The following EPS8 variants were observed in gnomAD, a reference collection of about 807,000 sequenced individuals.
EPS8 encodes epidermal growth factor receptor kinase substrate 8.
A neutral mutation model predicts 103.8 loss-of-function variants in EPS8; 42 were observed. The observed-to-expected ratio is 0.40, with a 90% CI of 0.32 to 0.52. The LOEUF (loss-of-function observed/expected upper bound fraction) is 0.52. Ranked by LOEUF, EPS8 falls within the 20% of genes least tolerant of loss-of-function variation. EPS8 has a pLI of 0.40. For missense variants in EPS8, 969 were observed against 1,005.1 expected, an observed-to-expected ratio of 0.96 and a Z score of 0.49; for synonymous variants, 344 against 344.6, an observed-to-expected ratio of 1.00 and a Z score of 0.02.
At position 15,688,245 on chromosome 12, in the gene EPS8, T is replaced by G. The variant is rs1278706045; in HGVS notation, c.-21-5273A>C. On this transcript the variant is annotated intron_variant, in intron 1 of 20. Coordinates refer to ENST00000281172, the MANE Select transcript of EPS8 (RefSeq NM_004447.6). The surrounding 1 kb of genome is among the most constrained non-coding windows in gnomAD (Gnocchi z 5.1). ...TAAAACAACATTATCAGCTAGTTAT[T>G]GGCTCTATTTTATGGGTGAGATGAC... Among the ~76,000 whole-genome samples the G allele has an allele frequency of 6.6e-6, 1 of 152,190 alleles. No homozygotes were observed. The highest frequency in any genetic ancestry group is 2.4e-5 in the African/African-American group (1 of 41,450).
Position 15,778,668 on chromosome 12 carries a change from G to T in EPS8, c.-22+10493C>A, listed in dbSNP as rs1232934662. On this transcript the variant is annotated intron_variant, in intron 1 of 20. Coordinates refer to ENST00000281172, the MANE Select transcript of EPS8 (RefSeq NM_004447.6). This position sits in a 1 kb window ranked among gnomAD's most constrained non-coding sequence, Gnocchi z 4.5. ...ATTTGTAAACTCCCAAACACATATA[G>T]TTTGTCATAAAACAGTTGAAGTTTT... is the stretch of plus-strand genomic sequence containing the variant. Among the ~76,000 whole-genome samples the T allele has an allele frequency of 6.6e-6, 1 of 152,150 alleles. No individual in the cohort carries two copies. Among genetic ancestry groups the T allele is most frequent in the Non-Finnish European group, 1.5e-5 (1 of 68,022 alleles).
At chr12:15,638,270 A>T (rs1216287433) in intron 17 of EPS8, among the ~76,000 whole-genome samples, 1 of 152,122 alleles carries the variant, frequency 6.6e-6, no homozygotes, top group Admixed American at 6.6e-5. Flanking sequence ...ATTTTACTCT[A>T]TTCTTTTTTT....
At chr12:15,710,562 T>C (rs956537792) in intron 1 of EPS8, among the ~76,000 whole-genome samples, 13 of 152,182 alleles carry the variant, frequency 8.5e-5, no homozygotes, top group Admixed American at 2.6e-4. Flanking sequence ...CACAAGTTTT[T>C]TCTAATCAAA....
intron 17 of EPS8, among the ~76,000 whole-genome samples, chr12:15,637,061 G>A (rs533177831): frequency 1.4e-4 from 22 of 152,210 alleles, no homozygotes; most frequent in African/African-American, 4.6e-4. Flanking sequence ...TCGCTCTGTC[G>A]CCAGGCTGGA....
At chr12:15,654,450 G>T in intron 12 of EPS8, 157 bp from the exon 13 acceptor site, 1 of 692,532 alleles carries the variant, frequency 1.4e-6, no homozygotes, top group Non-Finnish European at 2.4e-6. Flanking sequence ...AGAAAAGCTT[G>T]TCAAATCAAC....
intron 18 of EPS8, among the ~76,000 whole-genome samples, chr12:15,626,014 T>C (rs560785762): frequency 6.6e-6 from 1 of 152,322 alleles, no homozygotes; most frequent in African/African-American, 2.4e-5. Context: ...GAATTCCCGA[T>C]CTTCTTCCTG....
intron 1 of EPS8, among the ~76,000 whole-genome samples, chr12:15,741,600 G>A (rs966449053): frequency 2.0e-5 from 3 of 152,188 alleles, no homozygotes; most frequent in Non-Finnish European, 4.4e-5. Context: ...AGAGGAGAGA[G>A]GTGATTGGTT....
chr12:15,664,015 CATAATAT>C (rs1157116017), intron 8 of EPS8, among the ~76,000 whole-genome samples: 1 of 132,624 alleles, frequency 7.5e-6, no homozygotes, highest in Non-Finnish European at 1.6e-5. Context: ...ATATAATATA[CATAATAT>C]ATATTATATA....
In EPS8 at chr12:15,640,900, A is replaced by T. The variant is rs996659817; in HGVS notation, c.1678-54T>A. ...ATTTCCATATAAAAGCCATTCTACG[A>T]AAGAAGTTCCCTAGACTTCAACAAA... On this transcript the variant is annotated intron_variant, in intron 16 of 20. Transcript: ENST00000281172. 3 of 1,564,244 alleles carry T rather than the reference A, an allele frequency of 1.9e-6. No individual in the cohort carries two copies. In the Admixed American group the frequency reaches 5.3e-5, roughly 27 times the overall value.
At chr12:15,770,143 T>G (rs1947138222) in intron 1 of EPS8, among the ~76,000 whole-genome samples, 1 of 151,660 alleles carries the variant, frequency 6.6e-6, no homozygotes, top group Non-Finnish European at 1.5e-5. Flanking sequence ...TTTGTCATGT[T>G]GCCCACATTG....
At position 15,727,694 on chromosome 12, in the gene EPS8, C is replaced by A. The variant is rs1440226127; in HGVS notation, c.-21-44722G>T. Among the ~76,000 whole-genome samples the A allele has an allele frequency of 1.3e-5, 2 of 152,074 alleles. No individual in the cohort carries two copies. Among genetic ancestry groups the A allele is most frequent in the African/African-American group, 4.8e-5 (2 of 41,418 alleles). ...CCAACACGGTGAAACCCCGTCTCTA[C>A]TAAAAATACAAAAATTAGCCGGGCG... is the stretch of plus-strand genomic sequence containing the variant. On this transcript the variant is annotated intron_variant, in intron 1 of 20. Transcript: ENST00000281172. This position sits in a 1 kb window ranked among gnomAD's most constrained non-coding sequence, Gnocchi z 4.3.
rs759616597 is a variant in EPS8, at chr12:15,717,819, T to C, written c.-21-34847A>G. On this transcript the variant is annotated intron_variant, in intron 1 of 20. Transcript: ENST00000281172. This position sits in a 1 kb window ranked among gnomAD's most constrained non-coding sequence, Gnocchi z 4.3. The stretch of plus-strand genomic sequence containing the variant: ...CAGGGAATATAAATGAACAAAATGG[T>C]AGTTTTGCCTTAAATTGGCAATGTT... Among the ~76,000 whole-genome samples the C allele has an allele frequency of 7.2e-5, 11 of 152,132 alleles. No homozygotes were observed. Among genetic ancestry groups the C allele is most frequent in the Non-Finnish European group, 1.6e-4 (11 of 68,018 alleles).
At chr12:15,637,713 T>C (rs1945160961) in intron 17 of EPS8, among the ~76,000 whole-genome samples, 1 of 152,250 alleles carries the variant, frequency 6.6e-6, no homozygotes, top group African/African-American at 2.4e-5. Context: ...TTTATATTTC[T>C]TCAAAGTTTT....
Position 15,728,910 on chromosome 12 carries a change from T to A in EPS8, c.-21-45938A>T, listed in dbSNP as rs549160259. Among the ~76,000 whole-genome samples the A allele has an allele frequency of 1.2e-3, 182 of 152,328 alleles. No homozygotes were observed. The highest frequency in any genetic ancestry group is 4.1e-3 in the African/African-American group (171 of 41,582). ...AAAATATTTGTAAATCCATCTTTTTTAAAAACATTTCTTGTAAGGCACTGT... is the reference window on the plus strand; with the variant it reads ...AAAATATTTGTAAATCCATCTTTTTAAAAAACATTTCTTGTAAGGCACTGT... On this transcript the variant is annotated intron_variant, in intron 1 of 20. Transcript: ENST00000281172. This position sits in a 1 kb window ranked among gnomAD's most constrained non-coding sequence, Gnocchi z 4.5.
At chr12:15,669,933 A>G (rs1945786586) in intron 4 of EPS8, 108 bp from the exon 5 acceptor site, 1 of 750,744 alleles carries the variant, frequency 1.3e-6, no homozygotes, top group African/African-American at 1.8e-5. Flanking sequence ...CAGCTAGCAG[A>G]GAACGACAAA....
chr12:15,636,015 T>C (rs1470075990), intron 17 of EPS8, among the ~76,000 whole-genome samples: 1 of 152,176 alleles, frequency 6.6e-6, no homozygotes, highest in African/African-American at 2.4e-5. Context: ...CCATTGGATA[T>C]ATAATAAATA....
intron 18 of EPS8, among the ~76,000 whole-genome samples, chr12:15,626,013 ATCT>A (rs1210073936): frequency 3.9e-5 from 6 of 152,282 alleles, no homozygotes; most frequent in Non-Finnish European, 7.4e-5. Flanking sequence ...TGAATTCCCG[ATCT>A]TCTTCCTGAA....
chr12:15,688,405 C>T lies in EPS8; in HGVS notation c.-21-5433G>A, dbSNP rs1946124804. On this transcript the variant is annotated intron_variant, in intron 1 of 20. Coordinates refer to ENST00000281172, the MANE Select transcript of EPS8 (RefSeq NM_004447.6). This position sits in a 1 kb window ranked among gnomAD's most constrained non-coding sequence, Gnocchi z 5.1. The stretch of plus-strand genomic sequence containing the variant: ...GGCGGGGTCACTGGTTAGGGCTCCA[C>T]CCCCATGGACCTAGATGAGGACAGG... Among the ~76,000 whole-genome samples the T allele has an allele frequency of 2.0e-5, 3 of 152,116 alleles. No homozygotes were observed.
At chr12:15,630,204 TCA>T (rs58598084) in intron 18 of EPS8, among the ~76,000 whole-genome samples, 10 of 148,960 alleles carry the variant, frequency 6.7e-5, no homozygotes, top group African/African-American at 2.0e-4. Flanking sequence ...TCTCTCTCAC[TCA>T]CACACACACA....
Sources: allele counts gnomAD v4.1 joint callset (sites outside exome capture counted in the v4.1 genomes callset), GRCh38; gene constraint gnomAD v4.1.1; non-coding constraint Gnocchi (gnomAD v3.1); transcripts MANE v1.5; gene names NCBI Gene and HGNC (gene_info 2026-07-23, HGNC 2026-07-21).